Variants in OCA2 observed in about 807,000 individuals in gnomAD.
The protein encoded by OCA2 is P protein.
A neutral mutation model predicts 100.2 loss-of-function variants in OCA2; 77 were observed. The observed-to-expected ratio is 0.77, with a 90% CI of 0.64 to 0.93. OCA2 has a LOEUF of 0.93. OCA2 is among the 40% of genes least tolerant of loss of function. OCA2 has a pLI of 0.00. For synonymous variants in OCA2, 432 were observed against 439.2 expected (o/e 0.98, Z 0.21); for missense variants, 1,062 against 1,089.1 (o/e 0.98, Z 0.35).
intron 23 of OCA2, among the ~76,000 whole-genome samples, chr15:27,843,892 A>C (rs1192371247): frequency 4.6e-5 from 7 of 152,192 alleles, no homozygotes; most frequent in Non-Finnish European, 1.0e-4. Flanking sequence ...CACTGGCTAC[A>C]GGGTTCTCTG....
intron 23 of OCA2, among the ~76,000 whole-genome samples, chr15:27,832,458 C>G (rs117190953): frequency 0.023 from 3,562 of 152,352 alleles, 46 homozygotes; most frequent in Non-Finnish European, 0.029. Flanking sequence ...CTCCCTCCCC[C>G]GGGTGCCTTC....
intron 23 of OCA2, among the ~76,000 whole-genome samples, chr15:27,824,929 A>G (rs1464303056): frequency 1.3e-5 from 2 of 152,006 alleles, no homozygotes; most frequent in African/African-American, 4.8e-5. Context: ...CAGGGGGCAT[A>G]GGCACAAAAA....
intron 23 of OCA2, among the ~76,000 whole-genome samples, chr15:27,792,580 T>C (rs984598052): frequency 6.6e-6 from 1 of 152,154 alleles, no homozygotes; most frequent in African/African-American, 2.4e-5. Flanking sequence ...TTCTTCCATC[T>C]ATGGGGTCCA....
intron 7 of OCA2, 102 bp downstream of exon 7, chr15:28,018,295 C>A: frequency 9.0e-7 from 1 of 1,114,648 alleles, no homozygotes. Flanking sequence ...GAATGGTGTC[C>A]TCGCCTGTGG....
Position 27,871,273 on chromosome 15 carries a change from A to G in OCA2, c.2140-15T>C, listed in dbSNP as rs1267404586. On this transcript the variant is annotated splice_polypyrimidine_tract_variant and intron_variant, in intron 20 of 23. Transcript: ENST00000354638. ...TCTGGGACCATCTGGAAGGAGGACA[A>G]TAGCAGCTGCAGTGTTCCATCGCAT... The G allele has an allele frequency of 4.4e-6, 7 of 1,597,270 alleles. No individual in the cohort carries two copies. The highest frequency in any genetic ancestry group is 4.0e-5 in the African/African-American group (3 of 74,566).
Position 27,957,630 on chromosome 15 carries a change from G to A in OCA2, c.1742C>T (p.Ala581Val). The change falls in exon 16 of 24, where the codon GCA becomes GTA. Residue 581 changes from alanine (A) to valine (V), a missense_variant. By Grantham distance (64) the Ala-to-Val change is moderately conservative. Transcript: ENST00000354638. The surrounding 1 kb of genome is among the most constrained non-coding windows in gnomAD (Gnocchi z 4.3). ...CCTCCGGGCGAGCAGGTGCTCCAGT[G>A]CCAGCACCTTCCCCAGCAGCAGGCG... The part of the protein sequence containing the change: ...VRRLLLGKVL[A>V]LEHLLARRLH... 1 of 1,613,006 alleles carries A rather than the reference G, an allele frequency of 6.2e-7. No individual in the cohort carries two copies. The highest frequency in any genetic ancestry group is 1.1e-5 in the South Asian group (1 of 91,080).
intron 18 of OCA2, among the ~76,000 whole-genome samples, chr15:27,938,495 G>A (rs2039535555): frequency 6.7e-6 from 1 of 148,280 alleles, no homozygotes; most frequent in Non-Finnish European, 1.5e-5. Flanking sequence ...AAAAATGGAA[G>A]GGAGAAAATT....
intron 1 of OCA2, among the ~76,000 whole-genome samples, chr15:28,095,769 A>G (rs1205047628): frequency 6.6e-6 from 1 of 152,164 alleles, no homozygotes; most frequent in East Asian, 1.9e-4. Context: ...ATCTGACATA[A>G]TACCGGCAAG....
At chr15:27,742,355 T>C in the OCA2 span, among the ~76,000 whole-genome samples, 3 of 152,098 alleles carry the variant, frequency 2.0e-5, no homozygotes, top group African/African-American at 7.2e-5. Context: ...GCAGACAGTA[T>C]GCTTGGGGAA....
At chr15:27,895,302 G>A (rs1419569501) in intron 19 of OCA2, among the ~76,000 whole-genome samples, 1 of 152,142 alleles carries the variant, frequency 6.6e-6, no homozygotes, top group Non-Finnish European at 1.5e-5. Flanking sequence ...CCAGCAGAAT[G>A]GGGCATTGCT....
chr15:27,831,663 C>A (rs2034962848), intron 23 of OCA2, among the ~76,000 whole-genome samples: 1 of 152,188 alleles, frequency 6.6e-6, no homozygotes, highest in Non-Finnish European at 1.5e-5. Context: ...GTGTCTGGGT[C>A]TGTCTCCGGA....
chr15:27,793,607 G>A (rs896535162), intron 23 of OCA2, among the ~76,000 whole-genome samples: 9 of 152,112 alleles, frequency 5.9e-5, no homozygotes, highest in Non-Finnish European at 1.0e-4. Context: ...AATTGCCTCC[G>A]GCACCGTAGC....
chr15:27,870,662 C>T (rs897991222), intron 21 of OCA2, among the ~76,000 whole-genome samples: 2 of 115,928 alleles, frequency 1.7e-5, no homozygotes, highest in African/African-American at 3.5e-5. Context: ...TCACAATTTT[C>T]GAAAGGAAGG....
chr15:27,866,665 G>A (rs1250962114), intron 21 of OCA2, among the ~76,000 whole-genome samples: 1 of 152,178 alleles, frequency 6.6e-6, no homozygotes, highest in African/African-American at 2.4e-5. Context: ...CTTGGTGGAT[G>A]TAGGTGCACA....
chr15:27,741,659 C>T, the OCA2 span, among the ~76,000 whole-genome samples: 1 of 152,118 alleles, frequency 6.6e-6, no homozygotes, highest in Non-Finnish European at 1.5e-5. Context: ...AAACAAGGGG[C>T]ATTCCAGAGT....
chr15:27,948,246 C>G (rs2140565817), intron 18 of OCA2, among the ~76,000 whole-genome samples: 1 of 152,280 alleles, frequency 6.6e-6, no homozygotes, highest in Admixed American at 6.5e-5. Flanking sequence ...GGGTGTGAAA[C>G]AGCTGGAACT....
intron 2 of OCA2, among the ~76,000 whole-genome samples, chr15:28,074,238 C>G (rs1451235079): frequency 6.6e-6 from 1 of 152,146 alleles, no homozygotes; most frequent in African/African-American, 2.4e-5. Flanking sequence ...ACTGATGGAA[C>G]AGAATAGAGA....
intron 19 of OCA2, among the ~76,000 whole-genome samples, chr15:27,876,097 T>A (rs187700026): frequency 2.2e-4 from 33 of 152,226 alleles, no homozygotes; most frequent in African/African-American, 7.7e-4. Flanking sequence ...GCCAGTCTCA[T>A]GGAAAAATAA....
chr15:27,969,552 A>C (rs1166713648), intron 14 of OCA2, among the ~76,000 whole-genome samples: 1 of 152,200 alleles, frequency 6.6e-6, no homozygotes, highest in East Asian at 1.9e-4. Flanking sequence ...TCAGCGCCTA[A>C]ATGCGCTCTT....
Sources: gnomAD v4.1 joint callset for allele counts (sites outside exome capture counted in the v4.1 genomes callset) on GRCh38, gnomAD v4.1.1 for gene constraint, Gnocchi (gnomAD v3.1) non-coding constraint, MANE v1.5 for transcripts, NCBI Gene and HGNC (gene_info 2026-07-23, HGNC 2026-07-21) for gene names.